Variants in GNB4 observed in about 807,000 individuals in gnomAD.
The protein encoded by GNB4 is G protein subunit beta 4, also known as guanine nucleotide-binding protein subunit beta-4.
A neutral mutation model predicts 45.2 loss-of-function variants in GNB4; 28 were observed. The observed-to-expected ratio is 0.62, with a 90% CI of 0.46 to 0.85. The LOEUF (loss-of-function observed/expected upper bound fraction) is 0.85. Among genes scored for constraint, GNB4 ranks in the 40% least tolerant of loss-of-function variants. The pLI, the probability that GNB4 is intolerant of heterozygous loss-of-function variation, is 0.00. For synonymous variants in GNB4, 132 were observed against 143.7 expected (o/e 0.92, Z 0.58); for missense variants, 321 against 425.4 (o/e 0.75, Z 2.16).
intron 1 of GNB4, among the ~76,000 whole-genome samples, chr3:179,444,058 C>T (rs529557123): frequency 2.0e-5 from 3 of 152,294 alleles, no homozygotes; most frequent in Non-Finnish European, 2.9e-5. Flanking sequence ...ACAATCCCCC[C>T]GATTCTTCAG....
At chr3:179,441,254 C>T (rs1190214973) in intron 1 of GNB4, among the ~76,000 whole-genome samples, 1 of 152,186 alleles carries the variant, frequency 6.6e-6, no homozygotes, top group African/African-American at 2.4e-5. Flanking sequence ...CATCACTGTG[C>T]AAACATCATA....
intron 1 of GNB4, among the ~76,000 whole-genome samples, chr3:179,450,553 A>ATC (rs1171441466): frequency 2.0e-5 from 3 of 152,232 alleles, no homozygotes; most frequent in African/African-American, 7.2e-5. Context: ...ATGCATCCTT[A>ATC]TCCTTTATGG....
chr3:179,478,661 C>T, the GNB4 span, among the ~76,000 whole-genome samples: 2 of 152,148 alleles, frequency 1.3e-5, no homozygotes, highest in Non-Finnish European at 2.9e-5. Context: ...CCTCCAACTT[C>T]AGCCTCCTGA....
Position 179,396,163 on chromosome 3 carries a change from G to A in GNB4, c.*5050C>T, listed in dbSNP as rs1313019833. On this transcript the variant is annotated 3_prime_UTR_variant, in exon 10 of 10. Transcript: ENST00000232564. ...AAAGCCACTGTACAAATAGAGGAAT[G>A]AATCACTGTGTAAGAAAGATCTAAG... is the stretch of plus-strand genomic sequence containing the variant. 1.3e-5 allele frequency: 2 copies of A among 152,082 alleles called. No individual in the cohort carries two copies. The highest frequency in any genetic ancestry group is 1.5e-5 in the Non-Finnish European group (1 of 68,012). 9.4% of individuals were successfully genotyped at this position (152,082 alleles called of 1,614,324 possible).
Position 179,437,408 on chromosome 3 carries a change from T to C in GNB4, c.-42-11166A>G, listed in dbSNP as rs145921460. Among the ~76,000 whole-genome samples, 93 of 151,024 alleles carry C rather than the reference T, an allele frequency of 6.2e-4. 1 individual carries two copies. The East Asian group carries it at 0.017, about 27-fold the overall frequency. On this transcript the variant is annotated intron_variant, in intron 1 of 9. Coordinates refer to ENST00000232564, the MANE Select transcript of GNB4 (RefSeq NM_021629.4). ...GGTGAAACCCCATCTCTACTAAAAATACAAAAATCAGCCGGGCATGGTGGT... is the reference window on the plus strand; with the variant it reads ...GGTGAAACCCCATCTCTACTAAAAACACAAAAATCAGCCGGGCATGGTGGT...
the GNB4 span, among the ~76,000 whole-genome samples, chr3:179,480,316 C>T: frequency 6.6e-6 from 1 of 152,162 alleles, no homozygotes; most frequent in Non-Finnish European, 1.5e-5. Flanking sequence ...CAATGGTGTT[C>T]CCAATGGAAA....
the GNB4 span, among the ~76,000 whole-genome samples, chr3:179,492,281 T>C: frequency 6.6e-6 from 1 of 152,074 alleles, no homozygotes; most frequent in Non-Finnish European, 1.5e-5. Context: ...CTGCCCAAAG[T>C]CCATGCCACT....
chr3:179,522,820 A>G, the GNB4 span, among the ~76,000 whole-genome samples: 3 of 152,120 alleles, frequency 2.0e-5, no homozygotes, highest in Admixed American at 6.5e-5. Flanking sequence ...GGGCCAGCCT[A>G]AAACAGTAAG....
the GNB4 span, among the ~76,000 whole-genome samples, chr3:179,501,169 T>C: frequency 6.6e-6 from 1 of 152,202 alleles, no homozygotes; most frequent in Non-Finnish European, 1.5e-5. Context: ...TGCTGTCAGC[T>C]TCCAGATCTC....
At chr3:179,468,910 A>G in the GNB4 span, among the ~76,000 whole-genome samples, 16 of 152,130 alleles carry the variant, frequency 1.1e-4, no homozygotes, top group Non-Finnish European at 1.5e-5. Context: ...AACATTTACA[A>G]TCTATTCTCT....
At chr3:179,499,908 G>T in the GNB4 span, among the ~76,000 whole-genome samples, 1 of 152,122 alleles carries the variant, frequency 6.6e-6, no homozygotes, top group African/African-American at 2.4e-5. Flanking sequence ...CATATCCTTT[G>T]CCCACATTTG....
the GNB4 span, among the ~76,000 whole-genome samples, chr3:179,470,165 G>C: frequency 1.3e-5 from 2 of 152,154 alleles, no homozygotes; most frequent in Non-Finnish European, 2.9e-5. Flanking sequence ...TTTGTGGCTG[G>C]TTTATATATT....
chr3:179,498,748 GGTTTTTTTTTT>G, the GNB4 span, among the ~76,000 whole-genome samples: 1 of 117,596 alleles, frequency 8.5e-6, no homozygotes, highest in African/African-American at 3.7e-5. Flanking sequence ...GTTGAGGTTT[GGTTTTTTTTTT>G]TTTTTTTTGC....
chr3:179,463,288 AG>A, the GNB4 span, among the ~76,000 whole-genome samples: 1 of 152,224 alleles, frequency 6.6e-6, no homozygotes, highest in Non-Finnish European at 1.5e-5. Context: ...AGGACCATCC[AG>A]CATATGTTGG....
At chr3:179,496,020 G>A in the GNB4 span, among the ~76,000 whole-genome samples, 1 of 152,122 alleles carries the variant, frequency 6.6e-6, no homozygotes. Flanking sequence ...AAAATTCACT[G>A]GCAAAGATAA....
At position 179,401,466 on chromosome 3, in the gene GNB4, AAAC is replaced by A. The variant is rs140061602; in HGVS notation, c.917-150_917-148del. ...TAAAAAATAATAATAATTTAAAAGA[AAAC>A]AACAAATTTCTCTGAGTAAGAAGAC... is the stretch of plus-strand genomic sequence containing the variant. On this transcript the variant is annotated intron_variant, in intron 9 of 9. Coordinates refer to ENST00000232564, the MANE Select transcript of GNB4 (RefSeq NM_021629.4). 9,224 of 433,974 alleles carry A rather than the reference AAAC, an allele frequency of 0.021. 590 individuals carry two copies. Among genetic ancestry groups the A allele is most frequent in the African/African-American group, 0.15 (7,442 of 49,054 alleles). 26.9% of individuals were successfully genotyped at this position (433,974 alleles called of 1,614,324 possible). A position where few individuals can be genotyped will look rare whatever the true frequency, so the allele number is the denominator to read the frequency against.
the GNB4 span, among the ~76,000 whole-genome samples, chr3:179,470,498 T>A: frequency 6.7e-6 from 1 of 149,956 alleles, no homozygotes; most frequent in African/African-American, 2.5e-5. Flanking sequence ...GCTTTGAGAA[T>A]GAAGATATAG....
chr3:179,509,200 C>T, the GNB4 span, among the ~76,000 whole-genome samples: 1 of 148,798 alleles, frequency 6.7e-6, no homozygotes, highest in Non-Finnish European at 1.5e-5. Context: ...CACACACACA[C>T]ACATATACGG....
the GNB4 span, among the ~76,000 whole-genome samples, chr3:179,468,035 A>AAAAAAAATATATATATATATATAT: frequency 3.3e-5 from 3 of 89,864 alleles, no homozygotes; most frequent in Admixed American, 1.1e-4. Context: ...TGTTGATAAA[A>AAAAAAAATATATATATATATATAT]ATATATATAT....
Sources: gnomAD v4.1 joint callset for allele counts (sites outside exome capture counted in the v4.1 genomes callset) on GRCh38, gnomAD v4.1.1 for gene constraint, MANE v1.5 for transcripts, NCBI Gene and HGNC (gene_info 2026-07-23, HGNC 2026-07-21) for gene names.